Variants in USP31 observed in about 807,000 individuals in gnomAD.
USP31 encodes the protein ubiquitin specific peptidase 31.
A neutral mutation model predicts 119.4 loss-of-function variants in USP31; 44 were observed. That is an observed-to-expected ratio of 0.37 (90% CI 0.29 to 0.47). The LOEUF (loss-of-function observed/expected upper bound fraction) is 0.47. Ranked by LOEUF, USP31 falls within the 20% of genes least tolerant of loss-of-function variation. The pLI is 0.99. For missense variants in USP31, 1,643 were observed against 1,730.2 expected (o/e 0.95, Z 0.89); for synonymous variants, 749 against 705.6 (o/e 1.06, Z -0.97).
At chr16:23,073,636 T>G (rs1900434765) in intron 14 of USP31, 86 bp downstream of exon 14, 2 of 1,471,470 alleles carry the variant, frequency 1.4e-6, no homozygotes, top group Non-Finnish European at 1.8e-6. Flanking sequence ...GACAGAGTCA[T>G]GAGAGCCTCC....
At chr16:23,147,082 C>T (rs1903534174) in intron 1 of USP31, among the ~76,000 whole-genome samples, 1 of 151,734 alleles carries the variant, frequency 6.6e-6, no homozygotes, top group African/African-American at 2.4e-5. Context: ...AAGGAATTAA[C>T]CTTCTCCCTG....
chr16:23,114,751 G>GT (rs1451226763), intron 1 of USP31, among the ~76,000 whole-genome samples: 2 of 152,090 alleles, frequency 1.3e-5, no homozygotes, highest in Non-Finnish European at 2.9e-5. Context: ...CACAATACTC[G>GT]TAACTAGGGC....
intron 1 of USP31, among the ~76,000 whole-genome samples, chr16:23,138,733 A>T (rs1903265232): frequency 6.6e-6 from 1 of 152,054 alleles, no homozygotes; most frequent in Non-Finnish European, 1.5e-5. Flanking sequence ...TTGCACTTAC[A>T]GGGTTTGCTG....
chr16:23,114,344 T>C (rs80140218), intron 1 of USP31, among the ~76,000 whole-genome samples: 5,537 of 150,858 alleles, frequency 0.037, 135 homozygotes, highest in Middle Eastern at 0.069. Flanking sequence ...GTAACAGGGG[T>C]AATGACAATC....
chr16:23,126,903 A>G (rs1198934037), intron 1 of USP31, among the ~76,000 whole-genome samples: 1 of 152,182 alleles, frequency 6.6e-6, no homozygotes, highest in East Asian at 1.9e-4. Flanking sequence ...ATACACACAT[A>G]TATTAATATA....
chr16:23,070,162 C>A (rs1159991095), intron 15 of USP31, among the ~76,000 whole-genome samples: 3 of 152,214 alleles, frequency 2.0e-5, no homozygotes, highest in African/African-American at 7.2e-5. Context: ...TCCATAGATG[C>A]TGTGAGGTAT....
intron 1 of USP31, among the ~76,000 whole-genome samples, chr16:23,114,122 G>C (rs13332964): frequency 6.6e-6 from 1 of 151,798 alleles, no homozygotes; most frequent in South Asian, 2.1e-4. Flanking sequence ...AAAAAATGGT[G>C]ATTCTTTGGT....
chr16:23,146,665 G>A (rs1903516207), intron 1 of USP31, among the ~76,000 whole-genome samples: 1 of 152,120 alleles, frequency 6.6e-6, no homozygotes, highest in African/African-American at 2.4e-5. Context: ...ACAGCATTGA[G>A]CAGCATAAGA....
At chr16:23,111,479 C>T (rs1393693002) in intron 1 of USP31, among the ~76,000 whole-genome samples, 2 of 152,204 alleles carry the variant, frequency 1.3e-5, no homozygotes, top group Non-Finnish European at 2.9e-5. Context: ...TGAGTCCCCC[C>T]TTTCGAATCC....
chr16:23,147,354 C>G (rs1295651816), intron 1 of USP31, among the ~76,000 whole-genome samples: 1 of 152,162 alleles, frequency 6.6e-6, no homozygotes, highest in Admixed American at 6.5e-5. Context: ...GGTGATCCAC[C>G]CGCCTTGGCC....
In USP31 at chr16:23,084,761, C is replaced by T. The variant is rs112812101; in HGVS notation, c.1830+99G>A. 2.7e-3 allele frequency: 4,019 copies of T among 1,511,724 alleles called. 14 individuals are homozygous for T. Among genetic ancestry groups the T allele is most frequent in the Non-Finnish European group, 3.3e-3 (3,676 of 1,114,806 alleles). The allele number at this position is 1,511,724 out of a possible 1,614,324, so 93.6% of individuals were successfully genotyped here. On this transcript the variant is annotated intron_variant, in intron 11 of 15. Coordinates refer to ENST00000219689, the MANE Select transcript of USP31 (RefSeq NM_020718.4). ...AGACTTACATATATGCAAAATCCTG[C>T]GGCGACTTCTGGGGCGTGATTTGTT...
intron 15 of USP31, among the ~76,000 whole-genome samples, chr16:23,070,320 C>T (rs1900291707): frequency 6.6e-6 from 1 of 152,186 alleles, no homozygotes; most frequent in African/African-American, 2.4e-5. Context: ...GTAAGCTGGC[C>T]TGTCATTGTT....
At chr16:23,077,412 G>A (rs943188012) in intron 13 of USP31, among the ~76,000 whole-genome samples, 4 of 152,114 alleles carry the variant, frequency 2.6e-5, no homozygotes, top group Admixed American at 6.5e-5. Flanking sequence ...CCCCAACCCC[G>A]GCCCTCCTGG....
chr16:23,079,234 T>G (rs1179648584), intron 13 of USP31: 1 of 140,652 alleles, frequency 7.1e-6, no homozygotes, highest in Non-Finnish European at 1.6e-5. Flanking sequence ...GTATATTTTA[T>G]CGCAATTAAA....
chr16:23,099,904 A>T (rs1470460942), intron 6 of USP31, among the ~76,000 whole-genome samples: 1 of 152,230 alleles, frequency 6.6e-6, no homozygotes, highest in Non-Finnish European at 1.5e-5. Flanking sequence ...ATGATATACA[A>T]ATGGCCAACA....
chr16:23,066,778 G>GT lies in USP31; in HGVS notation c.*1267dup, dbSNP rs1900090743. ...GTTTTTTTTGGTGAGGTTCTCCTTT[G>GT]TAAGAAATGCAATTTGCACTGACAC... On this transcript the variant is annotated 3_prime_UTR_variant, in exon 16 of 16. Transcript: ENST00000219689. 6.6e-6 allele frequency: 1 copy of GT among 152,140 alleles called. No homozygotes were observed. The allele number at this position is 152,140 out of a possible 1,614,324, so 9.4% of individuals were successfully genotyped here.
chr16:23,067,849 A>C lies in USP31; in HGVS notation c.*197T>G. The C allele has an allele frequency of 1.6e-6, 1 of 637,512 alleles. No homozygotes were observed. Among genetic ancestry groups the C allele is most frequent in the Non-Finnish European group, 2.5e-6 (1 of 403,656 alleles). The allele number at this position is 637,512 out of a possible 1,614,324, so 39.5% of individuals were successfully genotyped here. ...TTTGCCTATGGCTGTTATTTGGTTC[A>C]ATGGCAGAATAAGGCGACGCTTTGA... On this transcript the variant is annotated 3_prime_UTR_variant, in exon 16 of 16. Transcript: ENST00000219689.
intron 13 of USP31, among the ~76,000 whole-genome samples, chr16:23,077,680 A>G (rs1301042150): frequency 6.6e-6 from 1 of 152,208 alleles, no homozygotes; most frequent in African/African-American, 2.4e-5. Flanking sequence ...TGAGAAGTAT[A>G]CATATATAAC....
chr16:23,076,036 C>G (rs989390412), intron 13 of USP31, among the ~76,000 whole-genome samples: 1 of 152,036 alleles, frequency 6.6e-6, no homozygotes, highest in African/African-American at 2.4e-5. Context: ...CAGTGAGCCA[C>G]GATCACACAC....
Sources: allele counts gnomAD v4.1 joint callset (sites outside exome capture counted in the v4.1 genomes callset), GRCh38; gene constraint gnomAD v4.1.1; transcripts MANE v1.5; gene names NCBI Gene and HGNC (gene_info 2026-07-23, HGNC 2026-07-21).